The following KLRG1 variants were observed in gnomAD, a reference collection of about 807,000 sequenced individuals.
The protein encoded by KLRG1 is killer cell lectin like receptor G1, also known as killer cell lectin-like receptor subfamily G member 1.
KLRG1 carries 16 observed loss-of-function variants against 21.8 expected under a neutral mutation model. The observed-to-expected ratio is 0.73, with a 90% CI of 0.50 to 1.11. KLRG1 has a LOEUF of 1.11. KLRG1 is among the 50% of genes most tolerant of loss of function. KLRG1 has a pLI of 0.00. For synonymous variants in KLRG1, 69 were observed against 75.9 expected (o/e 0.91, Z 0.47); for missense variants, 173 against 218.3 (o/e 0.79, Z 1.31).
upstream of KLRG1, chr12:8,989,404 AATATAT>A (rs932161666): frequency 8.6e-6 from 3 of 349,242 alleles, no homozygotes; most frequent in Admixed American, 5.1e-5. Context: ...GAATCAATTT[AATATAT>A]ATTTAGTGAG....
At chr12:9,161,064 T>G in the KLRG1 span, 7 of 1,603,192 alleles carry the variant, frequency 4.4e-6, no homozygotes, top group East Asian at 2.2e-5. Flanking sequence ...TGGCAGATTC[T>G]TTGACCACAT....
intron 2 of KLRG1, among the ~76,000 whole-genome samples, chr12:8,993,583 C>T (rs1045538098): frequency 1.3e-5 from 2 of 152,124 alleles, no homozygotes; most frequent in Non-Finnish European, 2.9e-5. Flanking sequence ...CCATTGCGCT[C>T]TGCCGATTTA....
the KLRG1 span, chr12:9,106,203 A>G: frequency 7.7e-7 from 1 of 1,302,502 alleles, no homozygotes; most frequent in Non-Finnish European, 1.1e-6. Context: ...GTAACAGTAC[A>G]TGGGTTGATG....
the KLRG1 span, among the ~76,000 whole-genome samples, chr12:9,016,653 C>A: frequency 6.6e-6 from 1 of 152,168 alleles, no homozygotes; most frequent in African/African-American, 2.4e-5. Flanking sequence ...TGCTTTGTTG[C>A]CCAGGCTGGA....
In KLRG1 at chr12:9,009,127, C is replaced by A. The variant is rs757001342; in HGVS notation, c.458+52C>A. On this transcript the variant is annotated intron_variant, in intron 4 of 4. Coordinates refer to ENST00000356986, the MANE Select transcript of KLRG1 (RefSeq NM_005810.4). Reference sequence around the variant, plus strand: ...AAAGAGAGAGAGGAAAAAGGAAAGCCAAATTATGATACTTGGGGAATAGAT... The same window carrying A: ...AAAGAGAGAGAGGAAAAAGGAAAGCAAAATTATGATACTTGGGGAATAGAT... 1.8e-5 allele frequency: 24 copies of A among 1,351,098 alleles called. 1 individual carries two copies. The South Asian group carries it at 2.9e-4, about 16-fold the overall frequency. The allele number at this position is 1,351,098 out of a possible 1,614,324, so 83.7% of individuals were successfully genotyped here. A position where few individuals can be genotyped will look rare whatever the true frequency, so the allele number is the denominator to read the frequency against.
At chr12:9,161,611 A>C in the KLRG1 span, among the ~76,000 whole-genome samples, 4 of 152,002 alleles carry the variant, frequency 2.6e-5, no homozygotes, top group Non-Finnish European at 5.9e-5. Flanking sequence ...ACTTATAACC[A>C]TGATAATACA....
the KLRG1 span, among the ~76,000 whole-genome samples, chr12:9,136,237 C>T: frequency 2.0e-5 from 3 of 152,184 alleles, no homozygotes; most frequent in African/African-American, 7.2e-5. Context: ...GCTCTACGTA[C>T]ATTTGCTAGC....
At chr12:9,094,495 T>G in the KLRG1 span, among the ~76,000 whole-genome samples, 1 of 151,282 alleles carries the variant, frequency 6.6e-6, no homozygotes. Context: ...CTGATTCTCC[T>G]TAAATGCTTT....
chr12:9,105,329 C>T, the KLRG1 span, among the ~76,000 whole-genome samples: 1 of 152,144 alleles, frequency 6.6e-6, no homozygotes, highest in Non-Finnish European at 1.5e-5. Flanking sequence ...GGATATTTAA[C>T]AGCAATAAAA....
chr12:9,150,542 A>AAAGATTAATGT, the KLRG1 span: 1 of 779,390 alleles, frequency 1.3e-6, no homozygotes, highest in Non-Finnish European at 2.1e-6. Flanking sequence ...GAAAGAAACA[A>AAAGATTAATGT]AAGATTAATG....
the KLRG1 span, among the ~76,000 whole-genome samples, chr12:9,113,027 C>T: frequency 3.3e-5 from 5 of 151,676 alleles, no homozygotes; most frequent in Non-Finnish European, 7.4e-5. Context: ...CAGTCCACCA[C>T]GGGTGGCTCA....
At chr12:9,054,587 A>T in the KLRG1 span, among the ~76,000 whole-genome samples, 1 of 152,164 alleles carries the variant, frequency 6.6e-6, no homozygotes, top group Admixed American at 6.5e-5. Context: ...TCCTAACACA[A>T]TTCTACTATT....
the KLRG1 span, chr12:9,158,621 A>G: frequency 6.3e-7 from 1 of 1,596,816 alleles, no homozygotes. Context: ...TTCATTGAGC[A>G]CTTTACTGCT....
chr12:9,009,583 A>G lies in KLRG1; in HGVS notation c.*46A>G, dbSNP rs1253555599. On this transcript the variant is annotated 3_prime_UTR_variant, in exon 5 of 5. Transcript: ENST00000356986. Reference sequence around the variant, plus strand: ...ACCCTCAGATCTGTCATGTATCCCTAAAAGGAGGGAGCTGGCCACTGGCTG... The same window carrying G: ...ACCCTCAGATCTGTCATGTATCCCTGAAAGGAGGGAGCTGGCCACTGGCTG... The G allele has an allele frequency of 1.2e-6, 2 of 1,601,574 alleles. No individual in the cohort carries two copies. Among genetic ancestry groups the G allele is most frequent in the African/African-American group, 2.7e-5 (2 of 74,414 alleles).
At chr12:9,059,789 C>T in the KLRG1 span, among the ~76,000 whole-genome samples, 693 of 152,224 alleles carry the variant, frequency 4.6e-3, 4 homozygotes, top group African/African-American at 0.015. Flanking sequence ...CAGCTATCCT[C>T]CCACCTCAGC....
chr12:9,212,142 G>A, the KLRG1 span, among the ~76,000 whole-genome samples: 1 of 152,226 alleles, frequency 6.6e-6, no homozygotes, highest in African/African-American at 2.4e-5. Flanking sequence ...CAAGTAACAG[G>A]GCTGCCTCAG....
At chr12:9,091,614 T>C in the KLRG1 span, among the ~76,000 whole-genome samples, 1 of 152,208 alleles carries the variant, frequency 6.6e-6, no homozygotes, top group Non-Finnish European at 1.5e-5. Flanking sequence ...TGTTTTTAAT[T>C]GTAGTATATC....
chr12:8,961,351 A>T (rs1436072655), intron 1 of KLRG1, among the ~76,000 whole-genome samples: 2 of 152,232 alleles, frequency 1.3e-5, no homozygotes, highest in East Asian at 3.8e-4. Context: ...ACAGGCCTCA[A>T]AAGGATCAAA....
At chr12:9,166,010 T>A in the KLRG1 span, 3 of 1,567,012 alleles carry the variant, frequency 1.9e-6, no homozygotes, top group Non-Finnish European at 2.6e-6. Flanking sequence ...AGGAACCACA[T>A]TCCCTCCCCT....
Sources: allele counts gnomAD v4.1 joint callset (sites outside exome capture counted in the v4.1 genomes callset), GRCh38; gene constraint gnomAD v4.1.1; transcripts MANE v1.5; gene names NCBI Gene and HGNC (gene_info 2026-07-23, HGNC 2026-07-21).